RPS6KC1: variants seen among roughly 807,000 people sequenced by gnomAD.
The protein encoded by RPS6KC1 is inactive ribosomal protein S6 kinase delta-1.
RPS6KC1 carries 54 observed loss-of-function variants against 103.8 expected under a neutral mutation model. The ratio of observed to expected loss-of-function variants is 0.52; its 90% CI spans 0.42 to 0.65. RPS6KC1 has a LOEUF of 0.65. Among genes scored for constraint, RPS6KC1 ranks in the 30% least tolerant of loss-of-function variants. The probability of loss-of-function intolerance (pLI) is 0.00; values close to 1 mark genes in which losing one functional copy is unlikely to be tolerated. For synonymous variants in RPS6KC1, 439 were observed against 438.7 expected, an observed-to-expected ratio of 1.00 and a Z score of -0.01; for missense variants, 1,151 against 1,253.8, an observed-to-expected ratio of 0.92 and a Z score of 1.24.
chr1:213,696,770 C>G, the RPS6KC1 span, among the ~76,000 whole-genome samples: 1 of 152,164 alleles, frequency 6.6e-6, no homozygotes. Flanking sequence ...TCTCTCACCT[C>G]TCAATGCAAC....
intron 3 of RPS6KC1, among the ~76,000 whole-genome samples, chr1:213,102,241 C>T (rs1260917350): frequency 1.3e-5 from 2 of 152,174 alleles, no homozygotes; most frequent in Non-Finnish European, 2.9e-5. Context: ...GGAATCCAAG[C>T]TCCTGTCTTG....
At chr1:213,336,924 G>T in the RPS6KC1 span, among the ~76,000 whole-genome samples, 2 of 152,102 alleles carry the variant, frequency 1.3e-5, no homozygotes, top group African/African-American at 4.8e-5. Context: ...TATTTACATA[G>T]ACCACAGTGG....
At chr1:213,322,945 G>A in the RPS6KC1 span, among the ~76,000 whole-genome samples, 1 of 72,676 alleles carries the variant, frequency 1.4e-5, no homozygotes, top group African/African-American at 5.2e-5. Context: ...TTTTTTTTTA[G>A]TAGAGACAGG....
chr1:213,133,458 T>G (rs1440228497), intron 6 of RPS6KC1, among the ~76,000 whole-genome samples: 1 of 152,204 alleles, frequency 6.6e-6, no homozygotes, highest in Non-Finnish European at 1.5e-5. Flanking sequence ...GAACTATGAC[T>G]GGCCATACTG....
the RPS6KC1 span, among the ~76,000 whole-genome samples, chr1:213,663,083 G>A: frequency 6.6e-6 from 1 of 152,220 alleles, no homozygotes; most frequent in Non-Finnish European, 1.5e-5. Context: ...CTAAACCTCT[G>A]TTGCCCCATT....
the RPS6KC1 span, among the ~76,000 whole-genome samples, chr1:213,532,048 T>G: frequency 2.6e-5 from 4 of 152,158 alleles, no homozygotes; most frequent in Non-Finnish European, 5.9e-5. Context: ...TGTGAACAAG[T>G]GTACAGAGAC....
At chr1:213,099,032 TAGG>T (rs1210031171) in intron 3 of RPS6KC1, among the ~76,000 whole-genome samples, 1 of 152,206 alleles carries the variant, frequency 6.6e-6, no homozygotes, top group Non-Finnish European at 1.5e-5. Context: ...AAAGCTGTAG[TAGG>T]AGAAGCACCT....
the RPS6KC1 span, among the ~76,000 whole-genome samples, chr1:213,773,030 A>G: frequency 2.0e-5 from 3 of 152,128 alleles, no homozygotes; most frequent in African/African-American, 7.2e-5. Flanking sequence ...TCTAAAGACC[A>G]TGTTCTGCAA....
the RPS6KC1 span, among the ~76,000 whole-genome samples, chr1:213,533,758 C>G: frequency 0.017 from 2,515 of 152,320 alleles, 32 homozygotes; most frequent in Middle Eastern, 0.034. Flanking sequence ...CTCTGCCAGT[C>G]TGAAATTACA....
At chr1:213,127,498 T>C (rs184899098) in intron 5 of RPS6KC1, among the ~76,000 whole-genome samples, 180 of 152,336 alleles carry the variant, frequency 1.2e-3, no homozygotes, top group African/African-American at 3.2e-3. Flanking sequence ...GAAAAGCACT[T>C]ATGCAGTTGT....
rs1360703057 is a variant in RPS6KC1 at position 213,198,512 on chromosome 1, G to T, written c.1044+22020G>T. ...GATGTCTAGATCTCTGGCAAGCCTGGGGAAGTTTTCCTGGATTATTCCCTA... is the reference window on the plus strand; with the variant it reads ...GATGTCTAGATCTCTGGCAAGCCTGTGGAAGTTTTCCTGGATTATTCCCTA... On this transcript the variant is annotated intron_variant, in intron 8 of 14. Coordinates refer to ENST00000366960, the MANE Select transcript of RPS6KC1 (RefSeq NM_012424.6). Among the ~76,000 whole-genome samples, 14 of 152,202 alleles carry T rather than the reference G, an allele frequency of 9.2e-5. No homozygotes were observed. The East Asian group carries it at 2.7e-3, about 29-fold the overall frequency.
chr1:213,220,723 A>G (rs2148776394), intron 8 of RPS6KC1, among the ~76,000 whole-genome samples: 1 of 152,362 alleles, frequency 6.6e-6, no homozygotes, highest in Non-Finnish European at 1.5e-5. Context: ...CATTTAAAAT[A>G]CATTTTAAAA....
the RPS6KC1 span, among the ~76,000 whole-genome samples, chr1:213,725,956 G>A: frequency 2.0e-5 from 3 of 152,088 alleles, no homozygotes; most frequent in Non-Finnish European, 4.4e-5. Flanking sequence ...AATTGGAACG[G>A]ATCATTTTTT....
At chr1:213,820,982 A>C in the RPS6KC1 span, 1 of 152,034 alleles carries the variant, frequency 6.6e-6, no homozygotes, top group South Asian at 2.1e-4. Flanking sequence ...TCCTACTACA[A>C]CATATCCAGG....
chr1:213,313,740 G>A, the RPS6KC1 span, among the ~76,000 whole-genome samples: 4 of 152,140 alleles, frequency 2.6e-5, no homozygotes, highest in African/African-American at 9.7e-5. Context: ...CAAGGCGGGC[G>A]GATCACCAGG....
chr1:213,697,269 G>C, the RPS6KC1 span, among the ~76,000 whole-genome samples: 1 of 152,132 alleles, frequency 6.6e-6, no homozygotes, highest in Non-Finnish European at 1.5e-5. Flanking sequence ...CAGTGGGAGC[G>C]AGGTGGAAGG....
the RPS6KC1 span, among the ~76,000 whole-genome samples, chr1:213,670,391 T>C: frequency 6.6e-6 from 1 of 152,038 alleles, no homozygotes; most frequent in South Asian, 2.1e-4. Context: ...GAATGAGCAG[T>C]AGGGGGAAGA....
At chr1:213,365,209 CT>C in the RPS6KC1 span, among the ~76,000 whole-genome samples, 1 of 152,308 alleles carries the variant, frequency 6.6e-6, no homozygotes, top group East Asian at 1.9e-4. Flanking sequence ...CACATCAAAC[CT>C]TTGTATTTAT....
chr1:213,602,139 T>TTTCC, the RPS6KC1 span, among the ~76,000 whole-genome samples: 1 of 81,828 alleles, frequency 1.2e-5, no homozygotes, highest in Non-Finnish European at 2.4e-5. Flanking sequence ...TCTTTCTTTC[T>TTTCC]TTCTTTCTTT....
Sources: gnomAD v4.1 joint callset for allele counts (sites outside exome capture counted in the v4.1 genomes callset) on GRCh38, gnomAD v4.1.1 for gene constraint, MANE v1.5 for transcripts, NCBI Gene and HGNC (gene_info 2026-07-23, HGNC 2026-07-21) for gene names.